HELB: variants seen among roughly 807,000 people sequenced by gnomAD.
HELB encodes DNA helicase B.
Under a neutral mutation model 101.7 loss-of-function variants are expected in HELB, and 96 were observed. The ratio of observed to expected loss-of-function variants is 0.94; its 90% CI spans 0.80 to 1.12. The LOEUF (loss-of-function observed/expected upper bound fraction) is 1.12, where lower values mean the gene tolerates loss of function less well. HELB is among the 50% of genes most tolerant of loss of function. The pLI, the probability that HELB is intolerant of heterozygous loss-of-function variation, is 0.00. For synonymous variants in HELB, 437 were observed against 459.7 expected, an observed-to-expected ratio of 0.95 and a Z score of 0.63; for missense variants, 1,210 against 1,291.9, an observed-to-expected ratio of 0.94 and a Z score of 0.97.
Position 66,302,493 on chromosome 12 carries a change from A to C in HELB, c.-111A>C. On this transcript the variant is annotated 5_prime_UTR_variant, in exon 1 of 13. Coordinates refer to ENST00000247815, the MANE Select transcript of HELB (RefSeq NM_001370285.1). ...GGTTTTATGTACGCTGGCGGCCGCCAGGCCGTTCCCGGAAGTTGATGGCCT... is the reference window on the plus strand; with the variant it reads ...GGTTTTATGTACGCTGGCGGCCGCCCGGCCGTTCCCGGAAGTTGATGGCCT... The C allele has an allele frequency of 1.0e-6, 1 of 985,644 alleles. No individual in the cohort carries two copies. The allele number at this position is 985,644 out of a possible 1,614,324, so 61.1% of individuals were successfully genotyped here. A position where few individuals can be genotyped will look rare whatever the true frequency, so the allele number is the denominator to read the frequency against.
At chr12:66,307,054 G>A (rs2136987965) in intron 3 of HELB, among the ~76,000 whole-genome samples, 1 of 152,222 alleles carries the variant, frequency 6.6e-6, no homozygotes, top group African/African-American at 2.4e-5. Flanking sequence ...GTAGTAAAGG[G>A]GCACACTGAG....
chr12:66,324,686 T>C (rs1411812665), intron 10 of HELB, among the ~76,000 whole-genome samples: 1 of 152,204 alleles, frequency 6.6e-6, no homozygotes, highest in Non-Finnish European at 1.5e-5. Flanking sequence ...CAGACTTATG[T>C]AGTCAATACA....
chr12:66,330,326 T>G (rs1186949318), intron 11 of HELB, among the ~76,000 whole-genome samples: 1 of 152,018 alleles, frequency 6.6e-6, no homozygotes, highest in Non-Finnish European at 1.5e-5. Flanking sequence ...ATAAAAGAAA[T>G]AAATTGCCCA....
At chr12:66,325,879 T>C (rs1288778595) in intron 11 of HELB, among the ~76,000 whole-genome samples, 2 of 151,754 alleles carry the variant, frequency 1.3e-5, no homozygotes, top group Admixed American at 6.6e-5. Context: ...GCCCCCAACT[T>C]ATGTGGGAAT....
At chr12:66,335,364 A>G (rs977970506) in intron 12 of HELB, among the ~76,000 whole-genome samples, 3 of 152,176 alleles carry the variant, frequency 2.0e-5, no homozygotes. Flanking sequence ...GAGATCTGGC[A>G]GAGGAGGAGG....
chr12:66,337,384 T>A (rs2053878050), intron 12 of HELB, among the ~76,000 whole-genome samples: 1 of 152,174 alleles, frequency 6.6e-6, no homozygotes, highest in Non-Finnish European at 1.5e-5. Context: ...GCTTTTGACA[T>A]GAGCAGAAAA....
chr12:66,328,947 G>A (rs1048797359), intron 11 of HELB, among the ~76,000 whole-genome samples: 4 of 152,134 alleles, frequency 2.6e-5, no homozygotes, highest in Non-Finnish European at 5.9e-5. Flanking sequence ...GGACAGTGCT[G>A]TTCTAGACTA....
At chr12:66,337,802 G>C (rs1166219017) in intron 12 of HELB, among the ~76,000 whole-genome samples, 199 bp from the exon 13 acceptor site, 1 of 152,106 alleles carries the variant, frequency 6.6e-6, no homozygotes. Context: ...CCCAGAGCTG[G>C]GTGCTAGAGA....
chr12:66,322,600 T>C, intron 8 of HELB, 124 bp from the exon 9 acceptor site: 1 of 523,384 alleles, frequency 1.9e-6, no homozygotes, highest in Non-Finnish European at 3.4e-6. Context: ...AGTAGAAAAA[T>C]ACTATTTCCT....
intron 3 of HELB, among the ~76,000 whole-genome samples, chr12:66,308,332 G>A (rs546569857): frequency 1.1e-4 from 17 of 152,174 alleles, no homozygotes; most frequent in Admixed American, 3.9e-4. Flanking sequence ...CCTCCCTCCC[G>A]CCATGTCAGG....
At chr12:66,317,407 G>T (rs1366741530) in intron 6 of HELB, among the ~76,000 whole-genome samples, 2 of 152,198 alleles carry the variant, frequency 1.3e-5, no homozygotes, top group Non-Finnish European at 2.9e-5. Flanking sequence ...AGACAGTGTG[G>T]GTTCATATTA....
At position 66,311,223 on chromosome 12, in the gene HELB, G is replaced by C. The variant is rs537895582; in HGVS notation, c.1680+615G>C. Among the ~76,000 whole-genome samples, 7 of 152,002 alleles carry C rather than the reference G, an allele frequency of 4.6e-5. No homozygotes were observed. The South Asian group carries it at 1.5e-3, about 32-fold the overall frequency. On this transcript the variant is annotated intron_variant, in intron 4 of 12. Coordinates refer to ENST00000247815, the MANE Select transcript of HELB (RefSeq NM_001370285.1). The stretch of plus-strand genomic sequence containing the variant: ...TGTCTGTAATCCCAGCACTTTGGGA[G>C]GCCAAGGTGGGAGGATCACTTGAGC...
intron 5 of HELB, 134 bp downstream of exon 5, chr12:66,314,297 A>G (rs900773361): frequency 5.0e-6 from 4 of 807,072 alleles, no homozygotes; most frequent in Non-Finnish European, 7.9e-6. Flanking sequence ...AGCTACATGA[A>G]ATTAAATCTG....
At chr12:66,313,000 A>G (rs767374027) in intron 4 of HELB, among the ~76,000 whole-genome samples, 2 of 152,204 alleles carry the variant, frequency 1.3e-5, no homozygotes, top group Non-Finnish European at 2.9e-5. Flanking sequence ...TTGAGCTGGT[A>G]GCACTAGAAA....
In HELB at chr12:66,311,157, G is replaced by GAA. The variant is rs547349703; in HGVS notation, c.1680+562_1680+563dup. ...CTTCCTTCTTTGAGTAAGTCTTATG[G>GAA]AAAAAAAAAAAAAACCTATTGGGTT... On this transcript the variant is annotated intron_variant, in intron 4 of 12. Transcript: ENST00000247815. 3.4e-3 allele frequency among the ~76,000 whole-genome samples: 493 copies of GAA among 144,722 alleles called. 2 individuals carry two copies. Among genetic ancestry groups the GAA allele is most frequent in the East Asian group, 8.0e-3 (39 of 4,902 alleles). 94.9% of individuals were successfully genotyped at this position (144,722 alleles called of 152,430 possible).
Position 66,324,125 on chromosome 12 carries a change from G to A in HELB, c.2440G>A (p.Gly814Ser). 2 of 1,613,762 alleles carry A rather than the reference G, an allele frequency of 1.2e-6. No homozygotes were observed. Among genetic ancestry groups the A allele is most frequent in the Non-Finnish European group, 8.5e-7 (1 of 1,179,868 alleles). ...AGATGCCAGTAGTGAAGACTTTTCT[G>A]GTACGCTTCCTGATTTTGCTAAAAA... ...DLDASSEDFS[G>S]TLPDFAKNKR... Residue 814 changes from glycine (G) to serine (S), a missense_variant, in exon 10 of 13, where the codon GGT (glycine) becomes AGT (serine). By Grantham distance (56) the Gly-to-Ser change is moderately conservative (BLOSUM62 0). This residue lies in a region of HELB where 740 missense variants were observed against 728.8 expected (regional missense o/e 1.02). Transcript: ENST00000247815.
intron 7 of HELB, among the ~76,000 whole-genome samples, chr12:66,320,798 A>G (rs1484829522): frequency 6.6e-6 from 1 of 152,250 alleles, no homozygotes; most frequent in African/African-American, 2.4e-5. Flanking sequence ...ACAAAGTACT[A>G]AGACCTAAGA....
intron 2 of HELB, among the ~76,000 whole-genome samples, chr12:66,305,525 T>C (rs889268784): frequency 6.6e-6 from 1 of 152,190 alleles, no homozygotes; most frequent in African/African-American, 2.4e-5. Context: ...GAGGATCACT[T>C]GAGCGCAGGA....
chr12:66,307,407 A>T (rs1203012748), intron 3 of HELB, among the ~76,000 whole-genome samples: 1 of 152,324 alleles, frequency 6.6e-6, no homozygotes, highest in African/African-American at 2.4e-5. Flanking sequence ...AATGTTCTTT[A>T]TAGAGATATT....
Sources: gnomAD v4.1 joint callset for allele counts (sites outside exome capture counted in the v4.1 genomes callset) on GRCh38, gnomAD v4.1.1 for gene constraint, gnomAD v4.1.1 regional missense constraint, MANE v1.5 for transcripts, NCBI Gene and HGNC (gene_info 2026-07-23, HGNC 2026-07-21) for gene names.